The following TBL1XR1 variants were observed in gnomAD, a reference collection of about 807,000 sequenced individuals.
TBL1XR1 encodes the protein F-box-like/WD repeat-containing protein TBL1XR1.
A neutral mutation model predicts 66.9 loss-of-function variants in TBL1XR1; 5 were observed. The ratio of observed to expected loss-of-function variants is 0.07; its 90% CI spans 0.04 to 0.16. The LOEUF (loss-of-function observed/expected upper bound fraction) is 0.16. Ranked by LOEUF, TBL1XR1 falls within the 10% of genes least tolerant of loss-of-function variation. TBL1XR1 has a pLI of 1.00. For synonymous variants in TBL1XR1, 210 were observed against 206.0 expected, an observed-to-expected ratio of 1.02 and a Z score of -0.17; for missense variants, 238 against 623.2, an observed-to-expected ratio of 0.38 and a Z score of 6.58.
chr3:177,087,344 A>T (rs1722270498), intron 2 of TBL1XR1, among the ~76,000 whole-genome samples: 1 of 152,038 alleles, frequency 6.6e-6, no homozygotes, highest in Non-Finnish European at 1.5e-5. Context: ...TCACTTTTTT[A>T]AAAAATATCA....
intron 1 of TBL1XR1, among the ~76,000 whole-genome samples, chr3:177,165,584 TCAAGA>T (rs1433199365): frequency 6.6e-6 from 1 of 152,174 alleles, no homozygotes; most frequent in Non-Finnish European, 1.5e-5. Context: ...GCTACAGTTA[TCAAGA>T]CAATATGGTA....
intron 2 of TBL1XR1, among the ~76,000 whole-genome samples, chr3:177,067,039 G>C (rs764002681): frequency 6.6e-6 from 1 of 152,084 alleles, no homozygotes; most frequent in Admixed American, 6.6e-5. Context: ...ATGTACTATA[G>C]TACACTAGAT....
chr3:177,040,649 A>T (rs561078379), intron 10 of TBL1XR1, among the ~76,000 whole-genome samples: 95 of 151,682 alleles, frequency 6.3e-4, no homozygotes, highest in East Asian at 2.1e-3. Context: ...TTTTTTTTTT[A>T]AAAGATAAAG....
rs1287653265 is a variant in TBL1XR1, at chr3:177,050,142, T to TA, written c.561-5dup. 3.7e-6 allele frequency: 6 copies of TA among 1,612,844 alleles called. No individual in the cohort carries two copies. Among genetic ancestry groups the TA allele is most frequent in the Non-Finnish European group, 5.1e-6 (6 of 1,179,590 alleles). ...TCTTGCTGTTGAGTCTCCAGACCTA[T>TA]AAAAGTATGCAATATATTTTAGATC... On this transcript the variant is annotated splice_region_variant and splice_polypyrimidine_tract_variant and intron_variant, in intron 6 of 15. Coordinates refer to ENST00000457928, the MANE Select transcript of TBL1XR1 (RefSeq NM_024665.7).
At chr3:177,152,521 G>A (rs1374783386) in intron 1 of TBL1XR1, among the ~76,000 whole-genome samples, 3 of 152,178 alleles carry the variant, frequency 2.0e-5, no homozygotes, top group South Asian at 2.1e-4. Flanking sequence ...TGCTGACCTC[G>A]TGATCTGCCC....
Position 177,051,700 on chromosome 3 carries a change from T to C in TBL1XR1, c.231A>G (p.Pro77=), listed in dbSNP as rs1717113009. 1 of 1,591,980 alleles carries C rather than the reference T, an allele frequency of 6.3e-7. No homozygotes were observed. The highest frequency in any genetic ancestry group is 1.1e-5 in the South Asian group (1 of 87,884). ...CATCTATCAGGGACAGAGACTCTAT[T>C]GGTCGACCATCAAACAAGGTACCAT... is the stretch of plus-strand genomic sequence containing the variant. ...NEDGTLFDGR[P]IESLSLIDAV... Residue 77 remains proline, a synonymous_variant, in exon 5 of 16, where the codon CCA becomes CCG. Coordinates refer to ENST00000457928, the MANE Select transcript of TBL1XR1 (RefSeq NM_024665.7).
At chr3:177,058,715 T>A (rs1373237851) in intron 3 of TBL1XR1, among the ~76,000 whole-genome samples, 1 of 152,238 alleles carries the variant, frequency 6.6e-6, no homozygotes, top group Non-Finnish European at 1.5e-5. Flanking sequence ...AAAAAGATTA[T>A]TAATAATGCC....
chr3:177,154,720 T>A (rs539387349), intron 1 of TBL1XR1, among the ~76,000 whole-genome samples: 1 of 152,242 alleles, frequency 6.6e-6, no homozygotes, highest in East Asian at 1.9e-4. Context: ...AAAGAAATCA[T>A]ATTTAGAGTT....
intron 2 of TBL1XR1, among the ~76,000 whole-genome samples, chr3:177,065,419 G>A (rs1361042283): frequency 2.0e-5 from 3 of 152,174 alleles, no homozygotes; most frequent in Non-Finnish European, 4.4e-5. Flanking sequence ...TCAGTTACTT[G>A]GGAAAAGACC....
chr3:177,173,425 T>C (rs958388514), intron 1 of TBL1XR1, among the ~76,000 whole-genome samples: 1 of 152,144 alleles, frequency 6.6e-6, no homozygotes, highest in African/African-American at 2.4e-5. Context: ...AAGATTAACA[T>C]CACCAAGATT....
chr3:177,099,775 A>T (rs1191126902), intron 1 of TBL1XR1, among the ~76,000 whole-genome samples: 1 of 152,246 alleles, frequency 6.6e-6, no homozygotes, highest in Non-Finnish European at 1.5e-5. Flanking sequence ...ATTTGTTATG[A>T]ATGTCAATTA....
chr3:177,196,765 G>A (rs1482900155), intron 1 of TBL1XR1, among the ~76,000 whole-genome samples: 1 of 151,874 alleles, frequency 6.6e-6, no homozygotes, highest in South Asian at 2.1e-4. Flanking sequence ...CACAAAAAGG[G>A]GGTGTAAATG....
chr3:177,187,015 A>T (rs1384039785), intron 1 of TBL1XR1, among the ~76,000 whole-genome samples: 1 of 152,078 alleles, frequency 6.6e-6, no homozygotes, highest in Non-Finnish European at 1.5e-5. Flanking sequence ...AAACACAAAA[A>T]AATTAGCCGG....
intron 1 of TBL1XR1, among the ~76,000 whole-genome samples, chr3:177,123,993 T>TA (rs1727304578): frequency 6.6e-6 from 1 of 152,066 alleles, no homozygotes; most frequent in Admixed American, 6.6e-5. Flanking sequence ...GAGGATACTT[T>TA]AATGTTTAGT....
intron 1 of TBL1XR1, among the ~76,000 whole-genome samples, chr3:177,192,522 A>T (rs1736291936): frequency 6.6e-6 from 1 of 152,026 alleles, no homozygotes; most frequent in East Asian, 1.9e-4. Context: ...CCACCACCGT[A>T]CCTACACCAA....
intron 1 of TBL1XR1, among the ~76,000 whole-genome samples, chr3:177,163,294 G>A (rs897942254): frequency 1.3e-5 from 2 of 152,068 alleles, no homozygotes; most frequent in Non-Finnish European, 2.9e-5. Context: ...ATCACTTGAG[G>A]TCAGGAGTTC....
At chr3:177,029,949 C>T (rs926529772) in intron 14 of TBL1XR1, among the ~76,000 whole-genome samples, 2 of 151,758 alleles carry the variant, frequency 1.3e-5, no homozygotes, top group Non-Finnish European at 2.9e-5. Context: ...AGTCTGATAA[C>T]CTAAAGATAA....
rs545367533 is a variant in TBL1XR1, at chr3:177,168,329, T to G, written c.-122+28792A>C. 2.0e-5 allele frequency among the ~76,000 whole-genome samples: 3 copies of G among 151,948 alleles called. No individual in the cohort carries two copies. In the East Asian group the frequency reaches 5.8e-4, roughly 29 times the overall value. ...GAAGTTTCACTCTTGTTGCCCAGAT[T>G]GGAGTGCAGTGGTGCAATCTCGGCT... On this transcript the variant is annotated intron_variant, in intron 1 of 15. Coordinates refer to ENST00000457928, the MANE Select transcript of TBL1XR1 (RefSeq NM_024665.7).
intron 7 of TBL1XR1, among the ~76,000 whole-genome samples, chr3:177,049,655 T>C (rs919162783): frequency 6.6e-6 from 1 of 152,340 alleles, no homozygotes; most frequent in African/African-American, 2.4e-5. Context: ...TTGTTTGTTA[T>C]TATGGTAAGA....
Sources: allele counts gnomAD v4.1 joint callset (sites outside exome capture counted in the v4.1 genomes callset), GRCh38; gene constraint gnomAD v4.1.1; transcripts MANE v1.5; gene names NCBI Gene and HGNC (gene_info 2026-07-23, HGNC 2026-07-21).